Variants in NAV3 observed in about 807,000 individuals in gnomAD.
NAV3 encodes neuron navigator 3, also known as pore membrane and/or filament interacting like protein 1.
In NAV3, 87 loss-of-function variants were observed where a neutral mutation model predicts 244.7. The ratio of observed to expected loss-of-function variants is 0.36; its 90% CI spans 0.30 to 0.42. NAV3 has a LOEUF of 0.42. Among genes scored for constraint, NAV3 ranks in the 20% least tolerant of loss-of-function variants. NAV3 has a pLI of 1.00. For synonymous variants in NAV3, 1,126 were observed against 1,042.2 expected, an observed-to-expected ratio of 1.08 and a Z score of -1.55; for missense variants, 2,663 against 2,893.3, an observed-to-expected ratio of 0.92 and a Z score of 1.83.
Position 77,940,354 on chromosome 12 carries a change from A to C in NAV3, c.279A>C (p.Lys93Asn), listed in dbSNP as rs778674731. Residue 93 changes from lysine (K) to asparagine (N), a missense_variant, in exon 2 of 40, where the codon AAA becomes AAC. By Grantham distance (94) the Lys-to-Asn change is moderately conservative (BLOSUM62 0). This residue lies in a region of NAV3 where 1,521 missense variants were observed against 1,497.0 expected (regional missense o/e 1.02). Transcript: ENST00000397909. The part of the protein sequence containing the change: ...YTDWANHYLA[K>N]SGHKRLIKDL... ...ACTGGGCCAACCACTACCTAGCAAA[A>C]TCAGGCCACAAGCGGCTGATCAAGG... 1.2e-6 allele frequency: 2 copies of C among 1,613,874 alleles called. No individual in the cohort carries two copies. Among genetic ancestry groups the C allele is most frequent in the Admixed American group, 3.3e-5 (2 of 59,994 alleles).
chr12:77,599,400 A>G (rs1343930401), intron 2 of NAV3, among the ~76,000 whole-genome samples: 1 of 151,968 alleles, frequency 6.6e-6, no homozygotes, highest in African/African-American at 2.4e-5. Flanking sequence ...GAATATAACC[A>G]TAAAAATTAT....
chr12:77,706,613 G>A (rs995951902), intron 2 of NAV3, among the ~76,000 whole-genome samples: 2 of 151,006 alleles, frequency 1.3e-5, no homozygotes, highest in African/African-American at 2.5e-5. Flanking sequence ...GGCTCATGCC[G>A]GTAATCCAGC....
intron 2 of NAV3, among the ~76,000 whole-genome samples, chr12:77,701,945 T>A (rs1875581923): frequency 6.6e-6 from 1 of 152,054 alleles, no homozygotes; most frequent in Non-Finnish European, 1.5e-5. Context: ...AGATATGCAC[T>A]CTATTGCTAT....
At chr12:78,082,069 G>T (rs745958476) in intron 12 of NAV3, among the ~76,000 whole-genome samples, 7 of 152,154 alleles carry the variant, frequency 4.6e-5, no homozygotes, top group Admixed American at 6.5e-5. Flanking sequence ...TCTTCTGCTA[G>T]TGAATAAGTC....
chr12:78,006,822 T>A lies in NAV3; in HGVS notation c.1284T>A (p.Ser428Arg), dbSNP rs1420905468. 4 of 1,613,982 alleles carry A rather than the reference T, an allele frequency of 2.5e-6. No homozygotes were observed. The African/African-American group carries it at 4.0e-5, about 16-fold the overall frequency. ...CTGGTGAAATGGAAGGTTTTAACAG[T>A]GGTCTGAATAGTGGTGGCTCAACAA... ...SESGEMEGFN[S>R]GLNSGGSTNS... Residue 428 changes from serine (S) to arginine (R), a missense_variant, in exon 8 of 40, where the codon AGT becomes AGA. Transcript: ENST00000397909.
chr12:78,059,678 T>A (rs1884044543), intron 12 of NAV3, among the ~76,000 whole-genome samples: 1 of 151,880 alleles, frequency 6.6e-6, no homozygotes, highest in African/African-American at 2.4e-5. Context: ...CTGGGGAGAT[T>A]TTTTTTTAAT....
intron 2 of NAV3, among the ~76,000 whole-genome samples, chr12:77,766,568 G>A (rs1487555396): frequency 6.6e-6 from 1 of 152,000 alleles, no homozygotes; most frequent in Non-Finnish European, 1.5e-5. Flanking sequence ...TGTATTGATA[G>A]ATTTGTATTG....
At chr12:77,981,119 G>A (rs1314777138) in intron 5 of NAV3, among the ~76,000 whole-genome samples, 1 of 152,164 alleles carries the variant, frequency 6.6e-6, no homozygotes, top group Admixed American at 6.6e-5. Context: ...GTGGATAAAA[G>A]CTGTTTCTGA....
chr12:78,149,177 C>T (rs1457664045), intron 22 of NAV3, among the ~76,000 whole-genome samples: 1 of 152,008 alleles, frequency 6.6e-6, no homozygotes, highest in Non-Finnish European at 1.5e-5. Context: ...ATATGGGTTA[C>T]TTCTTTTCTT....
At chr12:77,631,765 T>C (rs1469987805) in intron 2 of NAV3, among the ~76,000 whole-genome samples, 1 of 152,178 alleles carries the variant, frequency 6.6e-6, no homozygotes, top group Non-Finnish European at 1.5e-5. Flanking sequence ...AGTAATCTAA[T>C]ACAATTCAGC....
chr12:77,757,567 A>T (rs953473109), intron 2 of NAV3, among the ~76,000 whole-genome samples: 9 of 152,214 alleles, frequency 5.9e-5, no homozygotes, highest in African/African-American at 2.2e-4. Flanking sequence ...TAACATTCTT[A>T]ACTCTTCTCC....
intron 1 of NAV3, among the ~76,000 whole-genome samples, chr12:77,874,831 G>A (rs1052392259): frequency 2.0e-5 from 3 of 151,862 alleles, no homozygotes; most frequent in Admixed American, 6.6e-5. Context: ...TTAAGCATCA[G>A]AGACACCTGG....
intron 39 of NAV3, among the ~76,000 whole-genome samples, chr12:78,206,147 G>A (rs1960279336): frequency 6.6e-6 from 1 of 151,502 alleles, no homozygotes; most frequent in Non-Finnish European, 1.5e-5. Flanking sequence ...AATTTTAAGA[G>A]TTTCATAAAA....
At chr12:77,660,190 C>A (rs1226494931) in intron 2 of NAV3, among the ~76,000 whole-genome samples, 1 of 151,832 alleles carries the variant, frequency 6.6e-6, no homozygotes, top group East Asian at 1.9e-4. Context: ...TCAGAAATTA[C>A]TTATAGTGGG....
chr12:77,664,673 T>G (rs1376769974), intron 2 of NAV3, among the ~76,000 whole-genome samples: 1 of 152,184 alleles, frequency 6.6e-6, no homozygotes, highest in African/African-American at 2.4e-5. Context: ...TCAATAAATC[T>G]TTGTTCAAAC....
intron 2 of NAV3, among the ~76,000 whole-genome samples, chr12:77,706,481 C>A (rs1358888392): frequency 6.6e-6 from 1 of 151,322 alleles, no homozygotes; most frequent in Non-Finnish European, 1.5e-5. Context: ...TGTGTACACT[C>A]TAATGTCTGC....
intron 34 of NAV3, 39 bp downstream of exon 34, chr12:78,190,258 C>A (rs1313587424): frequency 1.3e-6 from 2 of 1,515,824 alleles, no homozygotes; most frequent in Admixed American, 1.8e-5. Flanking sequence ...TACAATTTAT[C>A]CATAAGTGTT....
At chr12:77,579,698 C>T (rs942529474) in intron 2 of NAV3, among the ~76,000 whole-genome samples, 1 of 152,222 alleles carries the variant, frequency 6.6e-6, no homozygotes, top group Non-Finnish European at 1.5e-5. Flanking sequence ...GCAGAAACAA[C>T]CACTGCCTCC....
At chr12:78,127,043 T>A (rs1336177957) in intron 16 of NAV3, 124 bp from the exon 17 acceptor site, 6 of 815,550 alleles carry the variant, frequency 7.4e-6, no homozygotes, top group Non-Finnish European at 1.2e-5. Context: ...TTTCAATGAG[T>A]TAAGCATTAT....
Sources: allele counts gnomAD v4.1 joint callset (sites outside exome capture counted in the v4.1 genomes callset), GRCh38; gene constraint gnomAD v4.1.1; regional missense constraint gnomAD v4.1.1; transcripts MANE v1.5; gene names NCBI Gene and HGNC (gene_info 2026-07-23, HGNC 2026-07-21).